The following SYN3 variants were observed in gnomAD, a reference collection of about 807,000 sequenced individuals.
SYN3 encodes synapsin-3.
Under a neutral mutation model 65.8 loss-of-function variants are expected in SYN3, and 35 were observed. That is an observed-to-expected ratio of 0.53 (90% confidence interval 0.41 to 0.70). The LOEUF is 0.70. Ranked by LOEUF, SYN3 falls within the 30% of genes least tolerant of loss-of-function variation. SYN3 has a pLI of 0.00. For missense variants in SYN3, 680 were observed against 749.0 expected (o/e 0.91, Z 1.08); for synonymous variants, 270 against 292.9 (o/e 0.92, Z 0.80).
At chr22:32,903,140 G>C (rs2049807804) in intron 4 of SYN3, among the ~76,000 whole-genome samples, 1 of 152,142 alleles carries the variant, frequency 6.6e-6, no homozygotes. Flanking sequence ...TAGAGTCCAT[G>C]CTCTGACTAA....
chr22:33,013,207 T>C (rs986832064), intron 1 of SYN3, among the ~76,000 whole-genome samples: 1 of 152,186 alleles, frequency 6.6e-6, no homozygotes, highest in African/African-American at 2.4e-5. Flanking sequence ...CCTACTCCAA[T>C]GTTAGTCAAA....
chr22:32,649,966 C>G (rs1018229491), intron 6 of SYN3, among the ~76,000 whole-genome samples: 1 of 152,078 alleles, frequency 6.6e-6, no homozygotes, highest in Non-Finnish European at 1.5e-5. Context: ...GCTGATGAGG[C>G]TGAGAAGGGG....
intron 6 of SYN3, among the ~76,000 whole-genome samples, chr22:32,746,741 A>G (rs1448565557): frequency 1.3e-5 from 2 of 152,172 alleles, no homozygotes; most frequent in African/African-American, 2.4e-5. Flanking sequence ...GGCAGAGACT[A>G]CCTTGTTCAG....
chr22:32,656,570 G>A (rs1179938384), intron 6 of SYN3, among the ~76,000 whole-genome samples: 4 of 152,170 alleles, frequency 2.6e-5, no homozygotes, highest in Admixed American at 2.0e-4. Flanking sequence ...GTAGCGGATC[G>A]ATAGTCAATG....
intron 3 of SYN3, among the ~76,000 whole-genome samples, chr22:32,963,024 G>A (rs1170750383): frequency 6.6e-6 from 1 of 150,494 alleles, no homozygotes. Flanking sequence ...TATATAGAGA[G>A]AGGGATAAAT....
At chr22:32,763,886 C>A (rs5998625) in intron 6 of SYN3, among the ~76,000 whole-genome samples, 3 of 150,792 alleles carry the variant, frequency 2.0e-5, no homozygotes, top group East Asian at 1.9e-4. Context: ...TTGAGGGAAG[C>A]GGACAATTGC....
In SYN3 at chr22:32,551,337, C is replaced by T. The variant is rs188549526; in HGVS notation, c.775-9624G>A. Among the ~76,000 whole-genome samples the T allele has an allele frequency of 2.3e-3, 356 of 152,274 alleles. 6 individuals are homozygous for T. The highest frequency in any genetic ancestry group is 1.2e-3 in the South Asian group (6 of 4,816). On this transcript the variant is annotated intron_variant, in intron 7 of 13. Coordinates refer to ENST00000358763, the MANE Select transcript of SYN3 (RefSeq NM_003490.4). ...GATGCAAGATAATGGCCCCTACCCCCACCCTGCACCAGGGAAGTATTCTTG... is the reference window on the plus strand; with the variant it reads ...GATGCAAGATAATGGCCCCTACCCCTACCCTGCACCAGGGAAGTATTCTTG...
intron 6 of SYN3, among the ~76,000 whole-genome samples, chr22:32,844,080 G>A (rs892685506): frequency 3.3e-4 from 50 of 152,272 alleles, no homozygotes; most frequent in African/African-American, 1.1e-3. Flanking sequence ...ATTAGTTAAG[G>A]AGTCCTTGAT....
chr22:32,747,288 A>G (rs2044964565), intron 6 of SYN3, among the ~76,000 whole-genome samples: 1 of 110,856 alleles, frequency 9.0e-6, no homozygotes, highest in Admixed American at 9.5e-5. Context: ...TTTCAGGTCC[A>G]GTGTTCTTCC....
chr22:32,644,283 G>T (rs2059952269), intron 6 of SYN3, among the ~76,000 whole-genome samples: 1 of 152,054 alleles, frequency 6.6e-6, no homozygotes, highest in African/African-American at 2.4e-5. Context: ...GTTTAGCAGG[G>T]AGACGAGACA....
At chr22:33,006,987 A>C (rs1018320943) in intron 1 of SYN3, among the ~76,000 whole-genome samples, 163 bp from the exon 2 acceptor site, 1 of 152,254 alleles carries the variant, frequency 6.6e-6, no homozygotes, top group African/African-American at 2.4e-5. Flanking sequence ...TTTTTAACCT[A>C]CAATTTCCAT....
At chr22:32,975,775 G>A (rs772110010) in intron 3 of SYN3, among the ~76,000 whole-genome samples, 27 of 152,238 alleles carry the variant, frequency 1.8e-4, no homozygotes, top group Non-Finnish European at 3.1e-4. Flanking sequence ...ACAAAGCCAA[G>A]GACAAGCCTT....
chr22:32,532,133 C>T (rs1195392265), intron 10 of SYN3, among the ~76,000 whole-genome samples: 1 of 152,290 alleles, frequency 6.6e-6, no homozygotes, highest in African/African-American at 2.4e-5. Flanking sequence ...GACAGGGCCC[C>T]TGCTCTTGTG....
chr22:32,630,275 C>T (rs990662266), intron 6 of SYN3, among the ~76,000 whole-genome samples: 1 of 152,098 alleles, frequency 6.6e-6, no homozygotes, highest in Non-Finnish European at 1.5e-5. Context: ...AGCCACCACA[C>T]CCGGCCGTAT....
chr22:32,938,488 C>T (rs1360854004), intron 3 of SYN3, among the ~76,000 whole-genome samples: 1 of 150,360 alleles, frequency 6.7e-6, no homozygotes, highest in Non-Finnish European at 1.5e-5. Context: ...AGCAATCGCG[C>T]CACTGCACTC....
At position 32,989,708 on chromosome 22, in the gene SYN3, G is replaced by A. The variant is rs567426835; in HGVS notation, c.312-9006C>T. On this transcript the variant is annotated intron_variant, in intron 2 of 13. Transcript: ENST00000358763. The stretch of plus-strand genomic sequence containing the variant: ...AAATTAGCCGGGCATGGTGGCATGC[G>A]CCTGTAATCCCAGCTACTCGGGAGG... Among the ~76,000 whole-genome samples, 11 of 148,724 alleles carry A rather than the reference G, an allele frequency of 7.4e-5. No homozygotes were observed. The East Asian group carries it at 9.7e-4, about 13-fold the overall frequency.
At chr22:32,597,922 G>A (rs1221201226) in intron 6 of SYN3, among the ~76,000 whole-genome samples, 1 of 152,188 alleles carries the variant, frequency 6.6e-6, no homozygotes, top group African/African-American at 2.4e-5. Flanking sequence ...CTTAACCAGG[G>A]AGCTAGGAAG....
rs1305496283 is a variant in SYN3, at chr22:32,599,312, GC to G, written c.712-2577del. ...ATAAAACACTGCTTAGACAGCTGAA[GC>G]CCCTGATGTACTTTTTTTTTTTTTT... On this transcript the variant is annotated intron_variant, in intron 6 of 13. Coordinates refer to ENST00000358763, the MANE Select transcript of SYN3 (RefSeq NM_003490.4). 2.7e-5 allele frequency among the ~76,000 whole-genome samples: 4 copies of G among 149,844 alleles called. No homozygotes were observed. The East Asian group carries it at 7.9e-4, about 30-fold the overall frequency.
chr22:33,052,533 G>A (rs529854517), intron 1 of SYN3, among the ~76,000 whole-genome samples: 70 of 151,358 alleles, frequency 4.6e-4, no homozygotes, highest in Non-Finnish European at 5.9e-5. Context: ...AAGGAGAAGG[G>A]CAACAATCTG....
Sources: allele counts gnomAD v4.1 joint callset (sites outside exome capture counted in the v4.1 genomes callset), GRCh38; gene constraint gnomAD v4.1.1; transcripts MANE v1.5; gene names NCBI Gene and HGNC (gene_info 2026-07-23, HGNC 2026-07-21).